The following SPATA16 variants were observed in gnomAD, a reference collection of about 807,000 sequenced individuals.
SPATA16 encodes spermatogenesis associated 16, also known as spermatogenesis-associated protein 16.
Under a neutral mutation model 63.3 loss-of-function variants are expected in SPATA16, and 36 were observed. The observed-to-expected ratio is 0.57, with a 90% confidence interval of 0.44 to 0.75. SPATA16 has a LOEUF of 0.75. Among genes scored for constraint, SPATA16 ranks in the 30% least tolerant of loss-of-function variants. SPATA16 has a pLI of 0.00. For synonymous variants in SPATA16, 203 were observed against 216.7 expected (o/e 0.94, Z 0.56); for missense variants, 646 against 679.3 (o/e 0.95, Z 0.54).
intron 4 of SPATA16, 70 bp downstream of exon 4, chr3:173,019,416 A>AT: frequency 7.9e-7 from 1 of 1,264,136 alleles, no homozygotes; most frequent in South Asian, 1.2e-5. Context: ...CTGTTATGCT[A>AT]TTACCAGAAT....
intron 5 of SPATA16, among the ~76,000 whole-genome samples, chr3:172,963,945 A>G (rs1733847313): frequency 6.6e-6 from 1 of 152,210 alleles, no homozygotes; most frequent in Non-Finnish European, 1.5e-5. Context: ...TCGGAAGTAT[A>G]AGATCAAGTT....
At chr3:173,008,428 C>T (rs1374851265) in intron 4 of SPATA16, among the ~76,000 whole-genome samples, 1 of 152,078 alleles carries the variant, frequency 6.6e-6, no homozygotes, top group Non-Finnish European at 1.5e-5. Flanking sequence ...GCTAGGCGCT[C>T]ACTGTTGATT....
chr3:173,046,817 T>G lies in SPATA16; in HGVS notation c.758+2132A>C, dbSNP rs527930259. 3.9e-5 allele frequency among the ~76,000 whole-genome samples: 6 copies of G among 152,154 alleles called. No homozygotes were observed. In the East Asian group the frequency reaches 1.2e-3, roughly 29 times the overall value. On this transcript the variant is annotated intron_variant, in intron 3 of 10. Transcript: ENST00000351008. ...AAGATGTTTTGATATTAAAATCATA[T>G]GTATTGACTTATGCAGTTCTGCACT...
intron 2 of SPATA16, among the ~76,000 whole-genome samples, chr3:173,086,177 G>T (rs1434122068): frequency 6.6e-6 from 1 of 151,834 alleles, no homozygotes; most frequent in Non-Finnish European, 1.5e-5. Context: ...GGCTTTTTTT[G>T]CTTGGTAGAC....
chr3:172,942,952 A>G (rs1373310335), intron 6 of SPATA16, among the ~76,000 whole-genome samples: 2 of 152,210 alleles, frequency 1.3e-5, no homozygotes, highest in African/African-American at 4.8e-5. Flanking sequence ...AGAAGATTTC[A>G]TAATGAAAGT....
At chr3:172,985,619 G>A (rs896612982) in intron 4 of SPATA16, among the ~76,000 whole-genome samples, 1 of 152,170 alleles carries the variant, frequency 6.6e-6, no homozygotes, top group Non-Finnish European at 1.5e-5. Flanking sequence ...AGAGGAAAAC[G>A]ATTACTTTTT....
intron 4 of SPATA16, among the ~76,000 whole-genome samples, chr3:172,991,300 T>G (rs1734572157): frequency 6.6e-6 from 1 of 152,160 alleles, no homozygotes; most frequent in African/African-American, 2.4e-5. Flanking sequence ...GAACAATATA[T>G]CCTTTCTCTA....
At chr3:172,919,729 G>T (rs1732577036) in intron 8 of SPATA16, among the ~76,000 whole-genome samples, 1 of 150,918 alleles carries the variant, frequency 6.6e-6, no homozygotes, top group South Asian at 2.1e-4. Flanking sequence ...ACAGGCTGGA[G>T]TGCAGTGGTG....
chr3:172,954,767 C>T (rs896342558), intron 6 of SPATA16, among the ~76,000 whole-genome samples: 7 of 152,150 alleles, frequency 4.6e-5, no homozygotes, highest in African/African-American at 1.4e-4. Flanking sequence ...TTTGGGGAAA[C>T]CCTTTAATAA....
At chr3:172,984,862 G>T (rs1734408674) in intron 4 of SPATA16, among the ~76,000 whole-genome samples, 1 of 152,182 alleles carries the variant, frequency 6.6e-6, no homozygotes, top group African/African-American at 2.4e-5. Context: ...AACAGCAGCT[G>T]ATATTTACTG....
intron 5 of SPATA16, among the ~76,000 whole-genome samples, chr3:172,957,205 T>G (rs551291547): frequency 6.6e-6 from 1 of 152,272 alleles, no homozygotes. Context: ...ATGGAGAGAT[T>G]TCTTTTAAAA....
intron 10 of SPATA16, among the ~76,000 whole-genome samples, chr3:172,896,696 T>C (rs931206796): frequency 4.6e-5 from 7 of 152,200 alleles, no homozygotes; most frequent in Admixed American, 2.6e-4. Flanking sequence ...ATTTCCCTAA[T>C]GGCTAGTGAT....
intron 5 of SPATA16, among the ~76,000 whole-genome samples, chr3:172,963,030 T>C (rs1230878409): frequency 1.3e-5 from 2 of 152,100 alleles, no homozygotes; most frequent in African/African-American, 2.4e-5. Context: ...ACAATCACTG[T>C]GTCGTTTATG....
At chr3:172,982,732 A>C (rs1734349754) in intron 4 of SPATA16, among the ~76,000 whole-genome samples, 1 of 152,202 alleles carries the variant, frequency 6.6e-6, no homozygotes, top group Non-Finnish European at 1.5e-5. Context: ...TTTATTTGTA[A>C]TTAATATCAC....
intron 1 of SPATA16, among the ~76,000 whole-genome samples, chr3:173,130,202 A>T (rs548197741): frequency 6.6e-6 from 1 of 151,996 alleles, no homozygotes; most frequent in African/African-American, 2.4e-5. Context: ...TCTACTAAAA[A>T]TACAAAAATT....
intron 5 of SPATA16, among the ~76,000 whole-genome samples, chr3:172,961,556 G>A (rs1300118484): frequency 2.6e-5 from 4 of 152,034 alleles, no homozygotes; most frequent in Non-Finnish European, 4.4e-5. Context: ...CACCATGCCC[G>A]GTGAATTTTT....
At chr3:172,926,446 CATA>C (rs1214118784) in intron 6 of SPATA16, among the ~76,000 whole-genome samples, 4 of 152,148 alleles carry the variant, frequency 2.6e-5, no homozygotes, top group African/African-American at 9.7e-5. Flanking sequence ...TTGAATTCCA[CATA>C]ATAACTTCAC....
chr3:172,925,204 T>G (rs1320852576), intron 7 of SPATA16, 142 bp downstream of exon 7: 4 of 923,452 alleles, frequency 4.3e-6, no homozygotes, highest in Non-Finnish European at 6.6e-6. Context: ...GGGGAAAGAT[T>G]TCCTGGAACC....
chr3:173,024,718 TTCAA>T (rs532935127), intron 3 of SPATA16, among the ~76,000 whole-genome samples: 84 of 150,832 alleles, frequency 5.6e-4, no homozygotes, highest in Non-Finnish European at 8.8e-4. Flanking sequence ...ATTTTGTCTT[TTCAA>T]TCAAACTGAT....
Sources: gnomAD v4.1 joint callset for allele counts (sites outside exome capture counted in the v4.1 genomes callset) on GRCh38, gnomAD v4.1.1 for gene constraint, MANE v1.5 for transcripts, NCBI Gene and HGNC (gene_info 2026-07-23, HGNC 2026-07-21) for gene names.